ADCY2: variants seen among roughly 807,000 people sequenced by gnomAD.
ADCY2 encodes the protein adenylate cyclase type 2.
In ADCY2, 31 loss-of-function variants were observed where a neutral mutation model predicts 125.2. The observed-to-expected ratio is 0.25, with a 90% confidence interval of 0.19 to 0.33. The LOEUF (loss-of-function observed/expected upper bound fraction) is 0.33, where lower values mean the gene tolerates loss of function less well. Ranked by LOEUF, ADCY2 falls within the 10% of genes least tolerant of loss-of-function variation. ADCY2 has a pLI of 1.00. For synonymous variants in ADCY2, 512 were observed against 548.4 expected, an observed-to-expected ratio of 0.93 and a Z score of 0.93; for missense variants, 904 against 1,418.2, an observed-to-expected ratio of 0.64 and a Z score of 5.82.
At position 7,743,711 on chromosome 5, in the gene ADCY2, C is replaced by G; in HGVS notation, c.1915C>G (p.Leu639Val). 1 of 1,614,120 alleles carries G rather than the reference C, an allele frequency of 6.2e-7. No individual in the cohort carries two copies. The highest frequency in any genetic ancestry group is 8.5e-7 in the Non-Finnish European group (1 of 1,180,004). The part of the protein sequence containing the change: ...GISFGAAFLL[L>V]AFILFVCFAG... Reference sequence around the variant, plus strand: ...CTCCTTTGGGGCTGCGTTTCTCTTGCTGGCCTTCATCCTCTTCGTCTGCTT... The same window carrying G: ...CTCCTTTGGGGCTGCGTTTCTCTTGGTGGCCTTCATCCTCTTCGTCTGCTT... Residue 639 changes from leucine (L) to valine (V), a missense_variant, in exon 15 of 25, where the codon CTG becomes GTG. This residue lies in a region of ADCY2 where 221 missense variants were observed against 246.2 expected (regional missense o/e 0.90). Coordinates refer to ENST00000338316, the MANE Select transcript of ADCY2 (RefSeq NM_020546.3).
chr5:7,460,746 A>G lies in ADCY2; in HGVS notation c.408+45976A>G, dbSNP rs73737390. ...TCCACGAGTATGTATTTCTTATGGGATTATGTAGAAACTATTGTAACATTC... is the reference window on the plus strand; with the variant it reads ...TCCACGAGTATGTATTTCTTATGGGGTTATGTAGAAACTATTGTAACATTC... On this transcript the variant is annotated intron_variant, in intron 2 of 24. Transcript: ENST00000338316. 3.9e-3 allele frequency among the ~76,000 whole-genome samples: 590 copies of G among 151,810 alleles called. 4 individuals are homozygous for G. Among genetic ancestry groups the G allele is most frequent in the African/African-American group, 0.013 (550 of 41,388 alleles).
chr5:7,500,153 C>T (rs577572978), intron 2 of ADCY2, among the ~76,000 whole-genome samples: 1 of 152,286 alleles, frequency 6.6e-6, no homozygotes, highest in East Asian at 1.9e-4. Flanking sequence ...GTCCTAGAAT[C>T]AGCCATTTCT....
At position 7,666,045 on chromosome 5, in the gene ADCY2, A is replaced by G. The variant is rs6868541; in HGVS notation, c.721-24646A>G. On this transcript the variant is annotated intron_variant, in intron 4 of 24. Coordinates refer to ENST00000338316, the MANE Select transcript of ADCY2 (RefSeq NM_020546.3). The stretch of plus-strand genomic sequence containing the variant: ...AGTAGAGACAGGGTTTCACCATGTT[A>G]GCCAGGATGGTCTCGATCTCCTGAC... 3.7e-3 allele frequency among the ~76,000 whole-genome samples: 556 copies of G among 151,026 alleles called. 5 individuals are homozygous for G. Among genetic ancestry groups the G allele is most frequent in the African/African-American group, 0.012 (482 of 41,122 alleles).
At chr5:7,649,959 C>T (rs1348905760) in intron 4 of ADCY2, among the ~76,000 whole-genome samples, 1 of 151,958 alleles carries the variant, frequency 6.6e-6, no homozygotes. Flanking sequence ...GCAGATGGCC[C>T]CAGTTCTACC....
chr5:7,598,015 A>G (rs930798217), intron 3 of ADCY2, among the ~76,000 whole-genome samples: 6 of 152,304 alleles, frequency 3.9e-5, no homozygotes, highest in South Asian at 2.1e-4. Flanking sequence ...CACAACGTAT[A>G]CATAGATCAA....
At chr5:7,702,324 A>G (rs1390008183) in intron 7 of ADCY2, among the ~76,000 whole-genome samples, 3 of 149,216 alleles carry the variant, frequency 2.0e-5, no homozygotes, top group Admixed American at 6.8e-5. Context: ...GGTGTGCTGC[A>G]CCTATTAACT....
chr5:7,427,873 A>G (rs1178249871), intron 2 of ADCY2, among the ~76,000 whole-genome samples: 6 of 152,238 alleles, frequency 3.9e-5, no homozygotes, highest in Non-Finnish European at 8.8e-5. Context: ...CAGCGGACCT[A>G]AAATTCACAT....
chr5:7,631,777 G>A (rs1187598526), intron 4 of ADCY2, among the ~76,000 whole-genome samples: 2 of 152,124 alleles, frequency 1.3e-5, no homozygotes, highest in Admixed American at 6.5e-5. Context: ...TCCCTCCAGG[G>A]TCAGCTTTCT....
chr5:7,767,322 C>G (rs1370264647), intron 17 of ADCY2, among the ~76,000 whole-genome samples: 1 of 152,086 alleles, frequency 6.6e-6, no homozygotes, highest in Non-Finnish European at 1.5e-5. Context: ...GTTAAAACTT[C>G]AAAACTTATT....
intron 2 of ADCY2, among the ~76,000 whole-genome samples, chr5:7,476,414 G>T (rs773372470): frequency 6.6e-6 from 1 of 152,200 alleles, no homozygotes; most frequent in Non-Finnish European, 1.5e-5. Context: ...TGTGAGGGAA[G>T]TGTGGGGAGT....
intron 2 of ADCY2, among the ~76,000 whole-genome samples, chr5:7,422,626 G>C (rs919438826): frequency 2.0e-5 from 3 of 152,124 alleles, no homozygotes; most frequent in African/African-American, 7.2e-5. Flanking sequence ...GCCTTGGCAG[G>C]GAGACCATAC....
chr5:7,495,707 C>CT (rs1026752095), intron 2 of ADCY2, among the ~76,000 whole-genome samples: 2 of 152,098 alleles, frequency 1.3e-5, no homozygotes, highest in Non-Finnish European at 2.9e-5. Context: ...CATACTGTAC[C>CT]TTTTTTTCCC....
intron 17 of ADCY2, 146 bp downstream of exon 17, chr5:7,766,952 G>T: frequency 9.1e-7 from 1 of 1,093,260 alleles, no homozygotes; most frequent in East Asian, 2.8e-5. Context: ...ATTTACAAAT[G>T]TCAGCCTCTG....
At chr5:7,612,103 AT>A in intron 3 of ADCY2, among the ~76,000 whole-genome samples, 1 of 151,962 alleles carries the variant, frequency 6.6e-6, no homozygotes. Context: ...AATAGTTTCC[AT>A]TTTTTTTATT....
At chr5:7,444,643 G>A (rs1038376663) in intron 2 of ADCY2, among the ~76,000 whole-genome samples, 1 of 151,956 alleles carries the variant, frequency 6.6e-6, no homozygotes, top group African/African-American at 2.4e-5. Flanking sequence ...TGTATCTTTG[G>A]GATAGTCTCT....
At chr5:7,505,704 G>T (rs1287390958) in intron 2 of ADCY2, among the ~76,000 whole-genome samples, 1 of 152,226 alleles carries the variant, frequency 6.6e-6, no homozygotes, top group Admixed American at 6.5e-5. Flanking sequence ...TCTTATTGTG[G>T]TAAGAGCCCA....
At chr5:7,760,622 A>G (rs964274130) in intron 16 of ADCY2, among the ~76,000 whole-genome samples, 1 of 152,078 alleles carries the variant, frequency 6.6e-6, no homozygotes, top group Non-Finnish European at 1.5e-5. Flanking sequence ...GAGTGAGATC[A>G]TTTTTTCTTT....
chr5:7,619,419 G>A (rs1182170555), intron 3 of ADCY2, among the ~76,000 whole-genome samples: 1 of 152,158 alleles, frequency 6.6e-6, no homozygotes, highest in Non-Finnish European at 1.5e-5. Context: ...CCCTATTTTG[G>A]ATGCAAGCGA....
At chr5:7,546,097 A>G (rs1193344685) in intron 3 of ADCY2, among the ~76,000 whole-genome samples, 1 of 152,148 alleles carries the variant, frequency 6.6e-6, no homozygotes, top group Admixed American at 6.5e-5. Context: ...CTGATGCCAT[A>G]CAGCCCTCCG....
Sources: gnomAD v4.1 joint callset for allele counts (sites outside exome capture counted in the v4.1 genomes callset) on GRCh38, gnomAD v4.1.1 for gene constraint, gnomAD v4.1.1 regional missense constraint, MANE v1.5 for transcripts, NCBI Gene and HGNC (gene_info 2026-07-23, HGNC 2026-07-21) for gene names.